Variants in MAP3K9 observed in about 807,000 individuals in gnomAD.
MAP3K9 encodes the protein mixed lineage kinase 1 (tyr and ser/thr specificity).
In MAP3K9, 46 loss-of-function variants were observed where a neutral mutation model predicts 95.8. The ratio of observed to expected loss-of-function variants is 0.48; its 90% confidence interval spans 0.38 to 0.61. MAP3K9 has a LOEUF of 0.61. Ranked by LOEUF, MAP3K9 falls within the 20% of genes least tolerant of loss-of-function variation. The pLI is 0.00. For missense variants in MAP3K9, 1,296 were observed against 1,474.3 expected (o/e 0.88, Z 1.98); for synonymous variants, 533 against 593.8 (o/e 0.90, Z 1.49).
Position 70,733,205 on chromosome 14 carries a change from TG to T in MAP3K9, c.2163del (p.Thr722ProfsTer12). 1 of 1,611,206 alleles carries T rather than the reference TG, an allele frequency of 6.2e-7. No homozygotes were observed. The highest frequency in any genetic ancestry group is 8.5e-7 in the Non-Finnish European group (1 of 1,178,000). On this transcript the variant is annotated frameshift_variant, in exon 11 of 12. Coordinates refer to ENST00000554752, the MANE Select transcript of MAP3K9 (RefSeq NM_001284230.2). LOFTEE classifies it high-confidence loss of function. Reference protein sequence around the residue: ...GPSSDGIHEEPTPVNSATSTP... With the variant: ...GPSSDGIHEEXTPVNSATSTP... Reference sequence around the variant, plus strand: ...GTACTCGTGGCCGAGTTGACTGGGGTGGGCTCCTCATGGATTCCATCACTGG... The same window carrying T: ...GTACTCGTGGCCGAGTTGACTGGGGTGGCTCCTCATGGATTCCATCACTGG...
intron 2 of MAP3K9, among the ~76,000 whole-genome samples, chr14:70,764,651 T>C (rs2054424644): frequency 6.6e-6 from 1 of 151,720 alleles, no homozygotes; most frequent in East Asian, 2.0e-4. Flanking sequence ...GAAAACATAG[T>C]GAAACCTTGT....
chr14:70,802,763 A>G (rs990435133), intron 1 of MAP3K9, among the ~76,000 whole-genome samples: 1 of 152,168 alleles, frequency 6.6e-6, no homozygotes, highest in Middle Eastern at 3.2e-3. Flanking sequence ...AGGCCAGATT[A>G]TGAGACCCAC....
At chr14:70,734,964 T>A (rs1360855089) in intron 9 of MAP3K9, among the ~76,000 whole-genome samples, 1 of 152,230 alleles carries the variant, frequency 6.6e-6, no homozygotes, top group Non-Finnish European at 1.5e-5. Flanking sequence ...ACATAAGGCA[T>A]TTCTCAGGCT....
chr14:70,735,973 T>TA lies in MAP3K9; in HGVS notation c.1900_1901insT (p.His634LeufsTer14). 6.2e-7 allele frequency: 1 copy of TA among 1,612,818 alleles called. No individual in the cohort carries two copies. Among genetic ancestry groups the TA allele is most frequent in the Non-Finnish European group, 8.5e-7 (1 of 1,178,870 alleles). Reference sequence around the variant, plus strand: ...AGATGAGACTCACCCCAAGTGGAAATGTGGAGATTCTGATGGGGTACTTAA... The same window carrying TA: ...AGATGAGACTCACCCCAAGTGGAAATAGTGGAGATTCTGATGGGGTACTTAA... On this transcript the variant is annotated frameshift_variant, in exon 9 of 12. Transcript: ENST00000554752. LOFTEE classifies it high-confidence loss of function.
intron 2 of MAP3K9, among the ~76,000 whole-genome samples, chr14:70,795,577 G>C (rs1414276158): frequency 6.6e-6 from 1 of 152,132 alleles, no homozygotes; most frequent in Non-Finnish European, 1.5e-5. Flanking sequence ...CTCCCAAAGT[G>C]CTGGGATTAC....
In MAP3K9 at chr14:70,732,577, C is replaced by T; in HGVS notation, c.2792G>A (p.Ser931Asn). ...LKPETLLASR[S>N]PSSNGLSPSP... ...GGGGCTCAACCCATTGCTGGAGGGG[C>T]TCCTGCTGGCTAGGAGAGTCTCTGG... The change falls in exon 11 of 12, where the codon AGC becomes AAC. Residue 931 changes from serine (S) to asparagine (N), a missense_variant. This residue lies in a region of MAP3K9 where 433 missense variants were observed against 441.4 expected (regional missense o/e 0.98). Coordinates refer to ENST00000554752, the MANE Select transcript of MAP3K9 (RefSeq NM_001284230.2). The T allele has an allele frequency of 4.4e-6, 7 of 1,600,430 alleles. No homozygotes were observed. Among genetic ancestry groups the T allele is most frequent in the Non-Finnish European group, 6.0e-6 (7 of 1,172,488 alleles).
intron 2 of MAP3K9, among the ~76,000 whole-genome samples, chr14:70,797,672 C>T (rs988546421): frequency 2.6e-5 from 4 of 151,870 alleles, no homozygotes; most frequent in East Asian, 1.9e-4. Flanking sequence ...TGGGAGGCGG[C>T]GGTTGCAAAG....
chr14:70,768,001 C>T (rs189389287), intron 2 of MAP3K9, among the ~76,000 whole-genome samples: 2 of 152,168 alleles, frequency 1.3e-5, no homozygotes, highest in South Asian at 2.1e-4. Context: ...CCAATTAGGA[C>T]ACCACCTATA....
In MAP3K9 at chr14:70,793,088, C is replaced by T. The variant is rs1339656425; in HGVS notation, c.820+7579G>A. Among the ~76,000 whole-genome samples the T allele has an allele frequency of 2.0e-5, 3 of 152,178 alleles. No individual in the cohort carries two copies. In the East Asian group the frequency reaches 5.8e-4, roughly 29 times the overall value. On this transcript the variant is annotated intron_variant, in intron 2 of 11. Transcript: ENST00000554752. ...CATGAGGAGCGTGACAGGCAGTCCC[C>T]AAGTTGGGAACAAAGGGAGTACTGA...
In MAP3K9 at chr14:70,732,790, T is replaced by C; in HGVS notation, c.2579A>G (p.Tyr860Cys). The C allele has an allele frequency of 1.2e-6, 2 of 1,613,974 alleles. No individual in the cohort carries two copies. Among genetic ancestry groups the C allele is most frequent in the Non-Finnish European group, 1.7e-6 (2 of 1,179,902 alleles). Residue 860 changes from tyrosine (Y) to cysteine (C), a missense_variant, in exon 11 of 12, where the codon TAT (tyrosine) becomes TGT (cysteine). Transcript: ENST00000554752. ...CTCGACTGGGCTGACTGGCATCTCA[T>C]ACACGACAATTTCATCGCTGTCGGA... is the stretch of plus-strand genomic sequence containing the variant. ...LRSDSDEIVVYEMPVSPVEAP... is the reference protein window; with the variant it reads ...LRSDSDEIVVCEMPVSPVEAP...
chr14:70,790,224 T>C (rs1348251744), intron 2 of MAP3K9, among the ~76,000 whole-genome samples: 2 of 152,196 alleles, frequency 1.3e-5, no homozygotes, highest in African/African-American at 4.8e-5. Flanking sequence ...TTTTCTCCAC[T>C]AAACCACTCA....
intron 2 of MAP3K9, among the ~76,000 whole-genome samples, chr14:70,762,375 A>G (rs1387184960): frequency 6.6e-6 from 1 of 152,168 alleles, no homozygotes; most frequent in Non-Finnish European, 1.5e-5. Flanking sequence ...GGGGGTTTCA[A>G]TTTCTCCACA....
chr14:70,764,808 G>A (rs2139790156), intron 2 of MAP3K9, among the ~76,000 whole-genome samples: 1 of 151,880 alleles, frequency 6.6e-6, no homozygotes, highest in East Asian at 1.9e-4. Flanking sequence ...CTTCAGTTTG[G>A]GTGGCAGAGT....
intron 2 of MAP3K9, among the ~76,000 whole-genome samples, chr14:70,794,991 T>C (rs1419307838): frequency 4.4e-5 from 2 of 45,790 alleles, no homozygotes; most frequent in East Asian, 3.7e-4. Context: ...TTTCTTTTCC[T>C]TTTTTTTTTT....
intron 2 of MAP3K9, among the ~76,000 whole-genome samples, chr14:70,795,160 T>C (rs1322520393): frequency 1.3e-5 from 2 of 151,108 alleles, no homozygotes; most frequent in African/African-American, 4.9e-5. Flanking sequence ...CGTTCGGCTA[T>C]TTTTTTTGTT....
chr14:70,732,997 T>C lies in MAP3K9; in HGVS notation c.2372A>G (p.Lys791Arg). The change falls in exon 11 of 12, where the codon AAG becomes AGG. Residue 791 changes from lysine (K) to arginine (R), a missense_variant. By Grantham distance (26) the Lys-to-Arg change is conservative. This residue lies in a region of MAP3K9 where 433 missense variants were observed against 441.4 expected (regional missense o/e 0.98). Coordinates refer to ENST00000554752, the MANE Select transcript of MAP3K9 (RefSeq NM_001284230.2). ...CTGAAAAAGACCCTCCCGTCTTTTC[T>C]TCTCCTCCCGGGCTGGTGGCTCAGG... The part of the protein sequence containing the change: ...EEPEPPAREE[K>R]KRREGLFQRS... 6.2e-7 allele frequency: 1 copy of C among 1,614,172 alleles called. No homozygotes were observed. Among genetic ancestry groups the C allele is most frequent in the Non-Finnish European group, 8.5e-7 (1 of 1,180,028 alleles).
intron 9 of MAP3K9, 118 bp downstream of exon 9, chr14:70,735,837 CAAAAAA>C: frequency 3.9e-6 from 3 of 776,152 alleles, no homozygotes; most frequent in Non-Finnish European, 4.5e-6. Context: ...AAAACAAAAA[CAAAAAA>C]GTCAGTTCAG....
intron 2 of MAP3K9, among the ~76,000 whole-genome samples, chr14:70,778,251 C>T (rs1320671469): frequency 6.6e-6 from 1 of 151,110 alleles, no homozygotes; most frequent in East Asian, 1.9e-4. Flanking sequence ...GCCTCAACCA[C>T]AGGCACACAT....
intron 3 of MAP3K9, among the ~76,000 whole-genome samples, chr14:70,759,816 G>A (rs898069003): frequency 1.2e-4 from 18 of 152,270 alleles, no homozygotes; most frequent in Non-Finnish European, 4.4e-5. Flanking sequence ...GTGCAGTGGT[G>A]CAATCACAGC....
Sources: gnomAD v4.1 joint callset for allele counts (sites outside exome capture counted in the v4.1 genomes callset) on GRCh38, gnomAD v4.1.1 for gene constraint, gnomAD v4.1.1 regional missense constraint, MANE v1.5 for transcripts, NCBI Gene and HGNC (gene_info 2026-07-23, HGNC 2026-07-21) for gene names.